ARHGAP6: variants seen among roughly 807,000 people sequenced by gnomAD.
ARHGAP6 encodes the protein Rho GTPase activating protein 6.
In ARHGAP6, 16 loss-of-function variants were observed where a neutral mutation model predicts 55.7. The observed-to-expected ratio is 0.29, with a 90% CI of 0.19 to 0.44. The LOEUF (loss-of-function observed/expected upper bound fraction) is 0.44, where lower values mean the gene tolerates loss of function less well. Ranked by LOEUF, ARHGAP6 falls within the 20% of genes least tolerant of loss-of-function variation. The probability of loss-of-function intolerance (pLI) is 1.00; values close to 1 mark genes in which losing one functional copy is unlikely to be tolerated. For synonymous variants in ARHGAP6, 382 were observed against 360.9 expected, an observed-to-expected ratio of 1.06 and a Z score of -0.66; for missense variants, 698 against 808.9, an observed-to-expected ratio of 0.86 and a Z score of 1.66.
At chrX:11,610,753 C>T (rs1325119015) in intron 1 of ARHGAP6, among the ~76,000 whole-genome samples, 1 of 111,902 alleles carries the variant, frequency 8.9e-6, no homozygotes, top group East Asian at 2.8e-4. Flanking sequence ...CATCATCACA[C>T]TTAATTTTAG....
intron 1 of ARHGAP6, among the ~76,000 whole-genome samples, chrX:11,401,475 T>C (rs1479733115): frequency 8.9e-6 from 1 of 111,881 alleles, no homozygotes; most frequent in Non-Finnish European, 1.9e-5. Context: ...TTCTGTGCCC[T>C]GTAGGATATT....
chrX:11,139,289 G>T lies in ARHGAP6; in HGVS notation c.2499C>A (p.Pro833=). 8.4e-7 allele frequency: 1 copy of T among 1,187,597 alleles called. No homozygotes were observed. Among genetic ancestry groups the T allele is most frequent in the South Asian group, 1.8e-5 (1 of 54,469 alleles). The change falls in exon 13 of 13, where the codon CCC becomes CCA. Residue 833 remains proline, a synonymous_variant. Transcript: ENST00000337414. ...TCAAGTACTGCTCCGACCTGGCCGT[G>T]GGCCGCTCGGCTTTCCCTGCCACCT... ...HVQVAGKAER[P]TARSEQYLTL...
At chrX:11,278,054 G>C in intron 1 of ARHGAP6, among the ~76,000 whole-genome samples, 1 of 111,832 alleles carries the variant, frequency 8.9e-6, no homozygotes, top group East Asian at 2.8e-4. Context: ...GTCAAAAGCA[G>C]ATGAACAAAT....
rs988763146 is a variant in ARHGAP6, at chrX:11,423,989, T to C, written c.589-169282A>G. On this transcript the variant is annotated intron_variant, in intron 1 of 12. Coordinates refer to ENST00000337414, the MANE Select transcript of ARHGAP6 (RefSeq NM_013427.3). ...AAGATATTGCATTGAACTTAATGGA[T>C]ACTTAAATTTTTAGTTTTTGTCTAC... 2.7e-5 allele frequency among the ~76,000 whole-genome samples: 3 copies of C among 112,704 alleles called. No homozygotes were observed. The Admixed American group carries it at 2.8e-4, about 11-fold the overall frequency.
At chrX:11,611,044 A>G (rs1263727713) in intron 1 of ARHGAP6, among the ~76,000 whole-genome samples, 2 of 112,842 alleles carry the variant, frequency 1.8e-5, no homozygotes, top group Admixed American at 9.4e-5. Context: ...TTATGGATGT[A>G]CCATATTTTA....
At chrX:11,320,131 C>A (rs1420332881) in intron 1 of ARHGAP6, among the ~76,000 whole-genome samples, 1 of 111,985 alleles carries the variant, frequency 8.9e-6, no homozygotes, top group Non-Finnish European at 1.9e-5. Context: ...TCAGAGACAG[C>A]TCTGTGGATG....
chrX:11,432,545 A>G (rs1304220025), intron 1 of ARHGAP6, among the ~76,000 whole-genome samples: 1 of 112,559 alleles, frequency 8.9e-6, no homozygotes, highest in Non-Finnish European at 1.9e-5. Flanking sequence ...AAACTGTATT[A>G]ATTAGAATCT....
chrX:11,304,777 C>A (rs1253476586), intron 1 of ARHGAP6, among the ~76,000 whole-genome samples: 5 of 50,283 alleles, frequency 9.9e-5, no homozygotes, highest in African/African-American at 3.5e-4. Flanking sequence ...CTTTCTTTTA[C>A]TTTTTTTTTT....
chrX:11,251,935 T>C (rs2147480419), intron 2 of ARHGAP6, among the ~76,000 whole-genome samples: 1 of 112,228 alleles, frequency 8.9e-6, no homozygotes. Context: ...CAATTCCCTC[T>C]CTCCTCTATA....
intron 1 of ARHGAP6, among the ~76,000 whole-genome samples, chrX:11,655,039 C>T (rs1353858201): frequency 1.8e-5 from 2 of 111,751 alleles, no homozygotes; most frequent in African/African-American, 6.5e-5. Flanking sequence ...TACCCATTAG[C>T]TGTCGCTCCA....
intron 1 of ARHGAP6, among the ~76,000 whole-genome samples, chrX:11,457,630 G>A (rs2050205861): frequency 9.0e-6 from 1 of 111,649 alleles, no homozygotes; most frequent in Non-Finnish European, 1.9e-5. Flanking sequence ...GCTGCAGACA[G>A]CTCCCCTAAA....
At chrX:11,412,931 A>G (rs144337852) in intron 1 of ARHGAP6, among the ~76,000 whole-genome samples, 38 of 112,305 alleles carry the variant, frequency 3.4e-4, no homozygotes, top group African/African-American at 1.2e-3. Flanking sequence ...TTGCCATAAA[A>G]CACAACACTC....
intron 4 of ARHGAP6, among the ~76,000 whole-genome samples, chrX:11,187,382 C>T (rs1275811732): frequency 9.0e-6 from 1 of 111,274 alleles, no homozygotes; most frequent in Middle Eastern, 4.2e-3. Flanking sequence ...CTAGCCAGGC[C>T]TGGACAGACG....
At chrX:11,533,261 T>C (rs988821481) in intron 1 of ARHGAP6, among the ~76,000 whole-genome samples, 4 of 110,795 alleles carry the variant, frequency 3.6e-5, no homozygotes. Context: ...CTTAAGACCA[T>C]TTACATTTTC....
chrX:11,571,608 G>A, intron 1 of ARHGAP6, among the ~76,000 whole-genome samples: 2 of 109,015 alleles, frequency 1.8e-5, no homozygotes, highest in South Asian at 8.2e-4. Flanking sequence ...TGGCTTTTCA[G>A]GTGTAAACTT....
At chrX:11,564,308 A>T (rs1601648786) in intron 1 of ARHGAP6, among the ~76,000 whole-genome samples, 1 of 111,468 alleles carries the variant, frequency 9.0e-6, no homozygotes, top group East Asian at 2.8e-4. Flanking sequence ...AACCTTCAGA[A>T]CACTATTGAT....
intron 1 of ARHGAP6, among the ~76,000 whole-genome samples, chrX:11,660,598 G>C (rs1198221396): frequency 1.1e-5 from 1 of 89,404 alleles, no homozygotes; most frequent in Non-Finnish European, 2.1e-5. Flanking sequence ...TCTGATTTCT[G>C]ACTTTATTCG....
chrX:11,564,203 G>A (rs1197289351), intron 1 of ARHGAP6, among the ~76,000 whole-genome samples: 1 of 111,633 alleles, frequency 9.0e-6, no homozygotes, highest in Non-Finnish European at 1.9e-5. Context: ...AGCTTATTAT[G>A]CCTTTCTCTT....
At chrX:11,619,716 C>A (rs2052206176) in intron 1 of ARHGAP6, among the ~76,000 whole-genome samples, 1 of 112,124 alleles carries the variant, frequency 8.9e-6, no homozygotes, top group Admixed American at 9.5e-5. Flanking sequence ...GCAGCTTTGC[C>A]TCCTCCCTTC....
Sources: allele counts gnomAD v4.1 joint callset (sites outside exome capture counted in the v4.1 genomes callset), GRCh38; gene constraint gnomAD v4.1.1; transcripts MANE v1.5; gene names NCBI Gene and HGNC (gene_info 2026-07-23, HGNC 2026-07-21).